Variants in SHTN1 observed in about 807,000 individuals in gnomAD.
SHTN1 encodes shootin-1.
A neutral mutation model predicts 83.1 loss-of-function variants in SHTN1; 42 were observed. The ratio of observed to expected loss-of-function variants is 0.51; its 90% confidence interval spans 0.39 to 0.65. The LOEUF (loss-of-function observed/expected upper bound fraction) is 0.65. Among genes scored for constraint, SHTN1 ranks in the 30% least tolerant of loss-of-function variants. SHTN1 has a pLI of 0.00. For missense variants in SHTN1, 622 were observed against 737.8 expected, an observed-to-expected ratio of 0.84 and a Z score of 1.82; for synonymous variants, 224 against 247.7, an observed-to-expected ratio of 0.90 and a Z score of 0.90.
chr10:117,103,530 CTTTTTTTTTTTTTTT>C (rs35229163), intron 1 of SHTN1, among the ~76,000 whole-genome samples: 1 of 77,502 alleles, frequency 1.3e-5, no homozygotes, highest in Non-Finnish European at 2.2e-5. Flanking sequence ...CCTCCCCTCT[CTTTTTTTTTTTTTTT>C]TTTTTTTTTT....
At chr10:116,966,288 G>A (rs557359746) in intron 3 of SHTN1, among the ~76,000 whole-genome samples, 3 of 152,154 alleles carry the variant, frequency 2.0e-5, no homozygotes, top group Admixed American at 1.3e-4. Context: ...GATTACAGGC[G>A]TGAGCCACTG....
intron 1 of SHTN1, among the ~76,000 whole-genome samples, chr10:117,075,982 A>G (rs560162174): frequency 1.3e-5 from 2 of 152,236 alleles, no homozygotes; most frequent in South Asian, 4.1e-4. Flanking sequence ...CAGGAGTTTG[A>G]AACCAGCCTG....
chr10:117,053,687 AAC>A (rs1219301101), intron 1 of SHTN1, among the ~76,000 whole-genome samples: 8 of 152,210 alleles, frequency 5.3e-5, no homozygotes, highest in African/African-American at 1.9e-4. Flanking sequence ...TACTGTGGAA[AAC>A]AGTTTGGTAG....
chr10:117,047,437 C>G (rs1465724116), intron 2 of SHTN1, among the ~76,000 whole-genome samples: 1 of 152,028 alleles, frequency 6.6e-6, no homozygotes. Flanking sequence ...CTATTATGTA[C>G]CAGGCACTAT....
chr10:117,010,322 G>A (rs778270392), upstream of SHTN1, among the ~76,000 whole-genome samples: 1 of 151,728 alleles, frequency 6.6e-6, no homozygotes, highest in Non-Finnish European at 1.5e-5. Context: ...AGAAGAAATG[G>A]ACAAATTCCC....
intron 2 of SHTN1, among the ~76,000 whole-genome samples, chr10:117,037,118 G>T (rs2133577288): frequency 6.6e-6 from 1 of 152,218 alleles, no homozygotes; most frequent in Middle Eastern, 3.4e-3. Flanking sequence ...TGCCAGCAAT[G>T]AATAAGTGGA....
intron 6 of SHTN1, among the ~76,000 whole-genome samples, chr10:116,951,637 T>G (rs1019058512): frequency 2.0e-5 from 3 of 152,202 alleles, no homozygotes; most frequent in African/African-American, 7.2e-5. Context: ...TTCTTACAAA[T>G]TTGCCTTACA....
In SHTN1 at chr10:116,987,442, C is replaced by G. The variant is rs571968183; in HGVS notation, c.59-8134G>C. ...ACTGTGGTACATCCAGATAACGGAA[C>G]AGTATCCGGTGTTAAGAATTAGTTG... On this transcript the variant is annotated intron_variant, in intron 1 of 16. Transcript: ENST00000355371. Among the ~76,000 whole-genome samples the G allele has an allele frequency of 2.0e-5, 3 of 152,210 alleles. No homozygotes were observed. In the South Asian group the frequency reaches 6.2e-4, roughly 32 times the overall value.
At chr10:117,094,581 AT>A (rs1853480664) in intron 1 of SHTN1, among the ~76,000 whole-genome samples, 1 of 152,106 alleles carries the variant, frequency 6.6e-6, no homozygotes, top group Non-Finnish European at 1.5e-5. Context: ...ATCTCAAAGT[AT>A]TTGTTCTAAT....
chr10:117,092,087 G>T (rs1215824866), intron 1 of SHTN1, among the ~76,000 whole-genome samples: 1 of 152,200 alleles, frequency 6.6e-6, no homozygotes, highest in African/African-American at 2.4e-5. Context: ...TAACCCAGAT[G>T]TGACACCAAA....
intron 16 of SHTN1, among the ~76,000 whole-genome samples, chr10:116,899,675 T>C (rs1264972071): frequency 6.6e-6 from 1 of 152,196 alleles, no homozygotes. Flanking sequence ...ACACTAACGG[T>C]GGTGTTGCCA....
chr10:117,040,441 A>C (rs1489452815), intron 2 of SHTN1, among the ~76,000 whole-genome samples: 1 of 152,220 alleles, frequency 6.6e-6, no homozygotes, highest in Non-Finnish European at 1.5e-5. Context: ...ATCAAATGGT[A>C]ATGGAATTGT....
At chr10:117,014,852 T>C (rs1484020449) in intron 2 of SHTN1, among the ~76,000 whole-genome samples, 2 of 152,232 alleles carry the variant, frequency 1.3e-5, no homozygotes, top group Admixed American at 1.3e-4. Flanking sequence ...AAGAAATGCA[T>C]AATGCTACAA....
At chr10:117,057,652 C>CA (rs1434198270) in intron 1 of SHTN1, among the ~76,000 whole-genome samples, 4 of 152,144 alleles carry the variant, frequency 2.6e-5, no homozygotes, top group Non-Finnish European at 4.4e-5. Flanking sequence ...AGTGACTCTG[C>CA]ATGCTCAAGG....
At chr10:117,025,662 TGAGGAGAGGA>T (rs757722115) in intron 2 of SHTN1, among the ~76,000 whole-genome samples, 3 of 151,958 alleles carry the variant, frequency 2.0e-5, no homozygotes, top group Non-Finnish European at 4.4e-5. Context: ...TCCCACCGCT[TGAGGAGAGGA>T]GAGGAGAGGG....
upstream of SHTN1, among the ~76,000 whole-genome samples, chr10:117,006,710 T>G (rs1274886008): frequency 3.3e-5 from 5 of 152,090 alleles, no homozygotes; most frequent in Non-Finnish European, 5.9e-5. Flanking sequence ...CACAGCTTGG[T>G]TTTTCTCACT....
Position 116,946,700 on chromosome 10 carries a change from A to ATG in SHTN1, c.617-1684_617-1683dup, listed in dbSNP as rs1849607520. On this transcript the variant is annotated intron_variant, in intron 7 of 16. Coordinates refer to ENST00000355371, the MANE Select transcript of SHTN1 (RefSeq NM_001127211.3). ...TGATTTATATATATAATATATATAT[A>ATG]TGTTTTATTTATTTATTTATTTATT... Among the ~76,000 whole-genome samples, 4 of 145,728 alleles carry ATG rather than the reference A, an allele frequency of 2.7e-5. No individual in the cohort carries two copies. In the South Asian group the frequency reaches 8.5e-4, roughly 31 times the overall value.
chr10:117,092,953 A>C (rs1048656356), intron 1 of SHTN1, among the ~76,000 whole-genome samples: 8 of 152,200 alleles, frequency 5.3e-5, no homozygotes, highest in African/African-American at 1.9e-4. Flanking sequence ...ACAGAGCTGA[A>C]ATTCTTCAAC....
At chr10:116,990,770 A>G (rs1851399125) in intron 1 of SHTN1, among the ~76,000 whole-genome samples, 1 of 148,448 alleles carries the variant, frequency 6.7e-6, no homozygotes, top group African/African-American at 2.5e-5. Flanking sequence ...TTGTCTTTCC[A>G]TCTCTTGGTG....
Sources: allele counts gnomAD v4.1 joint callset (sites outside exome capture counted in the v4.1 genomes callset), GRCh38; gene constraint gnomAD v4.1.1; transcripts MANE v1.5; gene names NCBI Gene and HGNC (gene_info 2026-07-23, HGNC 2026-07-21).